OPCML: variants seen among roughly 807,000 people sequenced by gnomAD.
OPCML encodes the protein opioid binding protein/cell adhesion molecule like.
Under a neutral mutation model 37.8 loss-of-function variants are expected in OPCML, and 13 were observed. That is an observed-to-expected ratio of 0.34 (90% CI 0.22 to 0.55). The LOEUF (loss-of-function observed/expected upper bound fraction) is 0.55, where lower values mean the gene tolerates loss of function less well. Ranked by LOEUF, OPCML falls within the 20% of genes least tolerant of loss-of-function variation. The pLI is 0.91. For synonymous variants in OPCML, 176 were observed against 168.8 expected (o/e 1.04, Z -0.33); for missense variants, 341 against 435.6 (o/e 0.78, Z 1.93).
At chr11:132,852,141 T>C (rs1165512702) in intron 2 of OPCML, among the ~76,000 whole-genome samples, 1 of 152,162 alleles carries the variant, frequency 6.6e-6, no homozygotes, top group African/African-American at 2.4e-5. Flanking sequence ...TTAAAATAAT[T>C]CTTATCTGCC....
At chr11:132,735,961 G>A (rs1049622168) in intron 2 of OPCML, among the ~76,000 whole-genome samples, 1 of 152,114 alleles carries the variant, frequency 6.6e-6, no homozygotes, top group Admixed American at 6.5e-5. Context: ...GACTGAGAAG[G>A]TAAAATCAAG....
chr11:133,464,934 T>C (rs531308722), intron 1 of OPCML, among the ~76,000 whole-genome samples: 60 of 152,250 alleles, frequency 3.9e-4, no homozygotes, highest in Non-Finnish European at 6.6e-4. Flanking sequence ...GAGCAGTGGC[T>C]GCAGTTTGAC....
intron 1 of OPCML, among the ~76,000 whole-genome samples, chr11:132,989,001 A>G (rs1385278404): frequency 6.6e-6 from 1 of 152,216 alleles, no homozygotes; most frequent in Non-Finnish European, 1.5e-5. Flanking sequence ...ATTTTACCCA[A>G]ACTCCATTGG....
intron 1 of OPCML, among the ~76,000 whole-genome samples, chr11:133,419,704 C>G (rs1945842877): frequency 6.6e-6 from 1 of 152,092 alleles, no homozygotes; most frequent in Non-Finnish European, 1.5e-5. Context: ...CAAGGCTTGA[C>G]TGTTTTTTTT....
chr11:132,970,062 C>G (rs904382699), intron 1 of OPCML, among the ~76,000 whole-genome samples: 2 of 152,104 alleles, frequency 1.3e-5, no homozygotes, highest in South Asian at 2.1e-4. Flanking sequence ...CCTCCTGGCT[C>G]TCTTGTTTGC....
chr11:132,980,476 G>C (rs1404631856), intron 1 of OPCML, among the ~76,000 whole-genome samples: 2 of 152,160 alleles, frequency 1.3e-5, no homozygotes, highest in Non-Finnish European at 2.9e-5. Flanking sequence ...AAGAAAGCAA[G>C]GTTTCTGTAT....
chr11:132,613,262 T>C (rs1938775032), intron 3 of OPCML, among the ~76,000 whole-genome samples: 1 of 152,170 alleles, frequency 6.6e-6, no homozygotes, highest in African/African-American at 2.4e-5. Flanking sequence ...ACGTCTTGGG[T>C]AAACCTTTGC....
intron 1 of OPCML, among the ~76,000 whole-genome samples, chr11:133,477,164 T>G (rs931304560): frequency 6.6e-6 from 1 of 152,066 alleles, no homozygotes. Flanking sequence ...CAGTTGTTTT[T>G]CCCCCCACGT....
chr11:133,081,909 T>C (rs952808855), intron 1 of OPCML, among the ~76,000 whole-genome samples: 3 of 150,092 alleles, frequency 2.0e-5, no homozygotes, highest in African/African-American at 7.3e-5. Context: ...TGTGAGGCCC[T>C]TTCTCTTCCA....
chr11:132,661,468 G>T (rs1392024924), intron 2 of OPCML, among the ~76,000 whole-genome samples: 2 of 152,154 alleles, frequency 1.3e-5, no homozygotes, highest in Non-Finnish European at 2.9e-5. Flanking sequence ...GCAGGAAAGA[G>T]AACTCAGGGA....
intron 2 of OPCML, among the ~76,000 whole-genome samples, chr11:132,716,739 A>G (rs1944508734): frequency 6.6e-6 from 1 of 152,186 alleles, no homozygotes; most frequent in South Asian, 2.1e-4. Flanking sequence ...ATAATTTTAA[A>G]TTAATGTTTT....
intron 1 of OPCML, among the ~76,000 whole-genome samples, chr11:133,351,374 G>A (rs1944133042): frequency 6.6e-6 from 1 of 152,032 alleles, no homozygotes; most frequent in Non-Finnish European, 1.5e-5. Context: ...TTACCAAATT[G>A]CCAAAAGTCA....
At chr11:132,660,249 CATAAGAAGATGGAA>C (rs1336010547) in intron 2 of OPCML, among the ~76,000 whole-genome samples, 1 of 152,076 alleles carries the variant, frequency 6.6e-6, no homozygotes, top group African/African-American at 2.4e-5. Context: ...ACCTTGTTCA[CATAAGAAGATGGAA>C]ATGAAAATTG....
intron 1 of OPCML, among the ~76,000 whole-genome samples, chr11:133,294,208 T>C (rs1337783381): frequency 6.6e-6 from 1 of 151,658 alleles, no homozygotes; most frequent in Non-Finnish European, 1.5e-5. Context: ...GAAGCGGTGT[T>C]CTGCAGAGGC....
intron 1 of OPCML, among the ~76,000 whole-genome samples, chr11:132,967,477 C>A (rs186797298): frequency 8.7e-4 from 132 of 152,112 alleles, no homozygotes; most frequent in African/African-American, 2.9e-3. Context: ...TTTGCCATTT[C>A]TTGTTTTCTT....
chr11:132,722,726 T>G (rs571626348), intron 2 of OPCML, among the ~76,000 whole-genome samples: 24 of 152,260 alleles, frequency 1.6e-4, no homozygotes, highest in African/African-American at 4.8e-4. Context: ...GTGGGTCAAC[T>G]GCCAGCCCTC....
intron 4 of OPCML, among the ~76,000 whole-genome samples, chr11:132,471,562 G>A (rs774922834): frequency 2.0e-5 from 3 of 152,146 alleles, no homozygotes; most frequent in Admixed American, 6.5e-5. Flanking sequence ...GCTCACTCTC[G>A]CAACTGGAAA....
At chr11:133,412,443 T>A (rs1381664046) in intron 1 of OPCML, among the ~76,000 whole-genome samples, 1 of 152,212 alleles carries the variant, frequency 6.6e-6, no homozygotes, top group Non-Finnish European at 1.5e-5. Context: ...GTCAGTTTCC[T>A]GGGTGCAGAG....
chr11:133,499,716 G>A (rs2120522058), intron 1 of OPCML, among the ~76,000 whole-genome samples: 1 of 149,194 alleles, frequency 6.7e-6, no homozygotes, highest in Non-Finnish European at 1.5e-5. Flanking sequence ...AATAATAATT[G>A]GAAAACCTTC....
Sources: allele counts gnomAD v4.1 joint callset (sites outside exome capture counted in the v4.1 genomes callset), GRCh38; gene constraint gnomAD v4.1.1; transcripts MANE v1.5; gene names NCBI Gene and HGNC (gene_info 2026-07-23, HGNC 2026-07-21).